Variants in PHTF1 observed in about 807,000 individuals in gnomAD.
The protein encoded by PHTF1 is putative homeodomain transcription factor 1, also known as protein PHTF1.
PHTF1 carries 88 observed loss-of-function variants against 102.4 expected under a neutral mutation model. The ratio of observed to expected loss-of-function variants is 0.86; its 90% CI spans 0.72 to 1.03. PHTF1 has a LOEUF of 1.03. Among genes scored for constraint, PHTF1 ranks in the 50% least tolerant of loss-of-function variants. PHTF1 has a pLI of 0.00. For missense variants in PHTF1, 814 were observed against 909.5 expected, an observed-to-expected ratio of 0.89 and a Z score of 1.35; for synonymous variants, 289 against 305.2, an observed-to-expected ratio of 0.95 and a Z score of 0.55.
intron 7 of PHTF1, among the ~76,000 whole-genome samples, chr1:113,718,670 G>A (rs745517281): frequency 6.6e-6 from 1 of 152,224 alleles, no homozygotes; most frequent in Non-Finnish European, 1.5e-5. Flanking sequence ...TCGATACCAC[G>A]TAGAAGCTGC....
intron 5 of PHTF1, among the ~76,000 whole-genome samples, chr1:113,732,376 A>G (rs1015311251): frequency 1.3e-5 from 2 of 151,966 alleles, no homozygotes; most frequent in Non-Finnish European, 2.9e-5. Flanking sequence ...TACGCCTGTA[A>G]TCCCAGCTAC....
intron 3 of PHTF1, chr1:113,749,584 G>A (rs879395331): frequency 3.3e-5 from 5 of 152,128 alleles, no homozygotes; most frequent in Admixed American, 6.5e-5. Context: ...GCTTCAACCC[G>A]GTCTTCTGTC....
At chr1:113,745,830 C>A (rs996036665) in intron 3 of PHTF1, among the ~76,000 whole-genome samples, 1 of 152,218 alleles carries the variant, frequency 6.6e-6, no homozygotes, top group African/African-American at 2.4e-5. Flanking sequence ...AGGGCTCCCA[C>A]TGATTCTACC....
chr1:113,755,183 TTTTTTG>T (rs1337932789), intron 3 of PHTF1, among the ~76,000 whole-genome samples: 2 of 152,102 alleles, frequency 1.3e-5, no homozygotes, highest in East Asian at 3.8e-4. Flanking sequence ...TGTTCTTTTA[TTTTTTG>T]TTTTTATTTT....
At chr1:113,710,905 CAA>C (rs1417307246) in intron 10 of PHTF1, among the ~76,000 whole-genome samples, 1 of 151,122 alleles carries the variant, frequency 6.6e-6, no homozygotes, top group African/African-American at 2.4e-5. Flanking sequence ...CTCAACCTCT[CAA>C]AGTGCTGAGA....
intron 4 of PHTF1, 60 bp downstream of exon 4, chr1:113,738,670 A>G: frequency 1.0e-6 from 1 of 984,932 alleles, no homozygotes; most frequent in East Asian, 2.4e-5. Flanking sequence ...AGATATTGAA[A>G]ATTAAGCATC....
intron 5 of PHTF1, among the ~76,000 whole-genome samples, chr1:113,733,825 A>G (rs950108658): frequency 6.6e-6 from 1 of 152,254 alleles, no homozygotes; most frequent in African/African-American, 2.4e-5. Flanking sequence ...GGGGGGTCCT[A>G]CTATAACAAA....
intron 17 of PHTF1, 125 bp downstream of exon 17, chr1:113,699,579 T>G (rs1437030954): frequency 1.5e-6 from 1 of 676,920 alleles, no homozygotes; most frequent in African/African-American, 1.8e-5. Flanking sequence ...CTGATGCCAC[T>G]GTGGAAGAGT....
chr1:113,699,721 A>G lies in PHTF1; in HGVS notation c.2125T>C (p.Ser709Pro). 1 of 1,441,246 alleles carries G rather than the reference A, an allele frequency of 6.9e-7. No homozygotes were observed. The highest frequency in any genetic ancestry group is 9.7e-7 in the Non-Finnish European group (1 of 1,034,422). 89.3% of individuals were successfully genotyped at this position (1,441,246 alleles called of 1,614,324 possible). ...LTLVNNVLKL[S>P]TKLLKELDTP... ...TGACTTACTTTCAACAACTTGGTGG[A>G]CAGCTTTAATACATTGTTTACTAGA... The change falls in exon 17 of 19, where the codon TCC becomes CCC. Residue 709 changes from serine to proline, a missense_variant. Ser to Pro is a moderately conservative substitution (Grantham distance 74). Coordinates refer to ENST00000369604, the MANE Select transcript of PHTF1 (RefSeq NM_001323043.2).
intron 10 of PHTF1, among the ~76,000 whole-genome samples, chr1:113,710,976 C>T (rs1010263159): frequency 2.0e-5 from 3 of 151,842 alleles, no homozygotes; most frequent in Admixed American, 6.6e-5. Context: ...AAATGTTAAA[C>T]TCTGATGTCT....
intron 3 of PHTF1, among the ~76,000 whole-genome samples, chr1:113,756,976 G>A (rs1658980162): frequency 6.6e-6 from 1 of 152,028 alleles, no homozygotes; most frequent in Non-Finnish European, 1.5e-5. Context: ...GACCATCCTG[G>A]CTAACACAGT....
chr1:113,698,599 T>C (rs946564814), intron 17 of PHTF1, among the ~76,000 whole-genome samples: 25 of 146,794 alleles, frequency 1.7e-4, no homozygotes, highest in African/African-American at 6.1e-4. Context: ...AATATGTCAT[T>C]TGTAGTTTTA....
intron 7 of PHTF1, 134 bp downstream of exon 7, chr1:113,724,625 G>T: frequency 1.7e-5 from 8 of 476,114 alleles, no homozygotes; most frequent in African/African-American, 2.0e-5. Flanking sequence ...ACAACATTTT[G>T]AGTAAGCAAG....
intron 7 of PHTF1, among the ~76,000 whole-genome samples, chr1:113,716,748 T>A (rs1254008851): frequency 6.6e-6 from 1 of 151,802 alleles, no homozygotes; most frequent in African/African-American, 2.4e-5. Context: ...AATAAAGACA[T>A]CCCCAGAAAA....
intron 3 of PHTF1, chr1:113,746,976 T>A: frequency 5.5e-6 from 1 of 182,616 alleles, no homozygotes; most frequent in Non-Finnish European, 1.0e-5. Context: ...GATGAGGAAA[T>A]AACTCTTATT....
intron 15 of PHTF1, among the ~76,000 whole-genome samples, chr1:113,703,032 G>A (rs1204252215): frequency 1.3e-5 from 2 of 152,282 alleles, no homozygotes; most frequent in East Asian, 1.9e-4. Context: ...AAATCTGGAT[G>A]TACCCAGTTA....
rs79135507 is a variant in PHTF1, at chr1:113,706,090, G to A, written c.1471C>T (p.Pro491Ser). Residue 491 changes from proline to serine, a missense_variant, in exon 13 of 19, where the codon CCA (proline) becomes TCA (serine). Pro to Ser is a moderately conservative substitution (Grantham distance 74). Coordinates refer to ENST00000369604, the MANE Select transcript of PHTF1 (RefSeq NM_001323043.2). ...NVVTIGLAFFPFLHRLFREKS... is the reference protein window; with the variant it reads ...NVVTIGLAFFSFLHRLFREKS... The stretch of plus-strand genomic sequence containing the variant: ...TCACGGAAAAGTCGATGTAAGAATG[G>A]AAAAAATGCTAATCCAATAGTGACA... 2 of 1,613,864 alleles carry A rather than the reference G, an allele frequency of 1.2e-6. No individual in the cohort carries two copies. The highest frequency in any genetic ancestry group is 2.2e-5 in the South Asian group (2 of 91,054).
At chr1:113,722,022 C>T (rs1483589624) in intron 7 of PHTF1, among the ~76,000 whole-genome samples, 2 of 151,978 alleles carry the variant, frequency 1.3e-5, no homozygotes, top group Admixed American at 1.3e-4. Flanking sequence ...TATATGCCAA[C>T]AGCAAACAAT....
At chr1:113,730,686 C>T (rs562603883) in intron 5 of PHTF1, among the ~76,000 whole-genome samples, 2 of 152,230 alleles carry the variant, frequency 1.3e-5, no homozygotes, top group Non-Finnish European at 2.9e-5. Context: ...CCACTTAAAA[C>T]TTGTAAAAAT....
Sources: allele counts gnomAD v4.1 joint callset (sites outside exome capture counted in the v4.1 genomes callset), GRCh38; gene constraint gnomAD v4.1.1; transcripts MANE v1.5; gene names NCBI Gene and HGNC (gene_info 2026-07-23, HGNC 2026-07-21).